Variants in SEPSECS observed in about 807,000 individuals in gnomAD.
SEPSECS encodes O-phosphoseryl-tRNA(Sec) selenium transferase.
In SEPSECS, 42 loss-of-function variants were observed where a neutral mutation model predicts 52.1. The ratio of observed to expected loss-of-function variants is 0.81; its 90% CI spans 0.63 to 1.04. The LOEUF (loss-of-function observed/expected upper bound fraction) is 1.04, where lower values mean the gene tolerates loss of function less well. Ranked by LOEUF, SEPSECS falls within the 50% of genes least tolerant of loss-of-function variation. The pLI is 0.00. For synonymous variants in SEPSECS, 216 were observed against 211.4 expected, an observed-to-expected ratio of 1.02 and a Z score of -0.19; for missense variants, 590 against 610.6, an observed-to-expected ratio of 0.97 and a Z score of 0.36.
At chr4:25,137,614 G>A (rs1375392207) in intron 8 of SEPSECS, among the ~76,000 whole-genome samples, 2 of 152,154 alleles carry the variant, frequency 1.3e-5, no homozygotes, top group South Asian at 2.1e-4. Flanking sequence ...TTACACTGTT[G>A]GTGGAAATGT....
intron 6 of SEPSECS, among the ~76,000 whole-genome samples, chr4:25,149,719 GA>G (rs1712190087): frequency 6.6e-6 from 1 of 152,144 alleles, no homozygotes; most frequent in Non-Finnish European, 1.5e-5. Flanking sequence ...GAGGGAAAGG[GA>G]AAGGAGGAAT....
chr4:25,136,282 C>T (rs143290476), intron 8 of SEPSECS, among the ~76,000 whole-genome samples: 1 of 152,298 alleles, frequency 6.6e-6, no homozygotes, highest in African/African-American at 2.4e-5. Context: ...TTGCAGATGA[C>T]ATGATACTGT....
Position 25,123,855 on chromosome 4 carries a change from T to A in SEPSECS, c.*76A>T. 1 of 1,314,456 alleles carries A rather than the reference T, an allele frequency of 7.6e-7. No individual in the cohort carries two copies. Among genetic ancestry groups the A allele is most frequent in the Non-Finnish European group, 1.1e-6 (1 of 913,204 alleles). 81.4% of individuals were successfully genotyped at this position (1,314,456 alleles called of 1,614,324 possible). A position where few individuals can be genotyped will look rare whatever the true frequency, so the allele number is the denominator to read the frequency against. On this transcript the variant is annotated 3_prime_UTR_variant, in exon 11 of 11. Transcript: ENST00000382103. ...AAATTCTCAATTCAAAAATCTCAAG[T>A]CTTATCTTTAAACTGCTTGCTTGTA...
Position 25,144,875 on chromosome 4 carries a change from G to A in SEPSECS, c.935-10C>T, listed in dbSNP as rs759227244. The A allele has an allele frequency of 6.2e-7, 1 of 1,606,684 alleles. No homozygotes were observed. Among genetic ancestry groups the A allele is most frequent in the Admixed American group, 1.7e-5 (1 of 59,970 alleles). On this transcript the variant is annotated splice_polypyrimidine_tract_variant and intron_variant, in intron 7 of 10. Transcript: ENST00000382103. ...GAAGCTGAAGCTCTTCCTGAAATAA[G>A]AAGGATAAGTTACATTAAGACTGTG...
At chr4:25,147,263 T>C (rs561977710) in intron 6 of SEPSECS, among the ~76,000 whole-genome samples, 15 of 152,340 alleles carry the variant, frequency 9.8e-5, no homozygotes, top group South Asian at 8.3e-4. Context: ...AGAGCATTTA[T>C]CCAAGACTTG....
intron 2 of SEPSECS, among the ~76,000 whole-genome samples, chr4:25,157,786 C>T (rs1036603216): frequency 6.8e-6 from 1 of 147,896 alleles, no homozygotes; most frequent in South Asian, 2.2e-4. Context: ...ACCTCGTGAT[C>T]CGCCCGCCTT....
chr4:25,125,573 C>T lies in SEPSECS; in HGVS notation c.1211+121G>A, dbSNP rs1041102802. 12 of 725,452 alleles carry T rather than the reference C, an allele frequency of 1.7e-5. No individual in the cohort carries two copies. The Admixed American group carries it at 2.4e-4, about 15-fold the overall frequency. 44.9% of individuals were successfully genotyped at this position (725,452 alleles called of 1,614,324 possible). A position where few individuals can be genotyped will look rare whatever the true frequency, so the allele number is the denominator to read the frequency against. On this transcript the variant is annotated intron_variant, in intron 10 of 10. Transcript: ENST00000382103. ...TTCTCTAACTCATCATTCTTTACTC[C>T]ATGATGAATTCGCAGGTATAGTTCA...
intron 8 of SEPSECS, among the ~76,000 whole-genome samples, chr4:25,143,461 C>A (rs1028074515): frequency 6.6e-6 from 1 of 152,106 alleles, no homozygotes; most frequent in Admixed American, 6.6e-5. Context: ...AGTCTGACTT[C>A]TTTCATTTAG....
chr4:25,120,317 A>G lies in SEPSECS; in HGVS notation c.*3614T>C, dbSNP rs1450663919. 1 of 152,164 alleles carries G rather than the reference A, an allele frequency of 6.6e-6. No homozygotes were observed. The highest frequency in any genetic ancestry group is 1.5e-5 in the Non-Finnish European group (1 of 68,006). The allele number at this position is 152,164 out of a possible 1,614,324, so 9.4% of individuals were successfully genotyped here. A position where few individuals can be genotyped will look rare whatever the true frequency, so the allele number is the denominator to read the frequency against. Reference sequence around the variant, plus strand: ...AGTGAGTAGGAAATTACAAACATATATTCATTAGCCTTAAACTTACCATCT... The same window carrying G: ...AGTGAGTAGGAAATTACAAACATATGTTCATTAGCCTTAAACTTACCATCT... On this transcript the variant is annotated 3_prime_UTR_variant, in exon 11 of 11. Coordinates refer to ENST00000382103, the MANE Select transcript of SEPSECS (RefSeq NM_016955.4).
Position 25,123,273 on chromosome 4 carries a change from T to C in SEPSECS, c.*658A>G, listed in dbSNP as rs1300854633. 1.3e-5 allele frequency: 2 copies of C among 152,790 alleles called. No individual in the cohort carries two copies. Among genetic ancestry groups the C allele is most frequent in the Non-Finnish European group, 2.9e-5 (2 of 68,498 alleles). 9.5% of individuals were successfully genotyped at this position (152,790 alleles called of 1,614,324 possible). A position where few individuals can be genotyped will look rare whatever the true frequency, so the allele number is the denominator to read the frequency against. ...ACTAATGACATTTTGGGCTGGATAA[T>C]TCTTTGTTGTGGGAGTTGTCCCATG... On this transcript the variant is annotated 3_prime_UTR_variant, in exon 11 of 11. Transcript: ENST00000382103.
At chr4:25,156,820 G>A (rs766818271) in intron 3 of SEPSECS, 36 bp downstream of exon 3, 107 of 1,058,942 alleles carry the variant, frequency 1.0e-4, no homozygotes, top group Non-Finnish European at 1.5e-4. Flanking sequence ...TGTGTGTCCA[G>A]ACAGCCAAAA....
rs531542242 is a variant in SEPSECS at position 25,156,259 on chromosome 4, A to C, written c.389-64T>G. 5 of 1,400,826 alleles carry C rather than the reference A, an allele frequency of 3.6e-6. No homozygotes were observed. The African/African-American group carries it at 5.7e-5, about 16-fold the overall frequency. The allele number at this position is 1,400,826 out of a possible 1,614,324, so 86.8% of individuals were successfully genotyped here. The stretch of plus-strand genomic sequence containing the variant: ...TAAGCACCCAGCATCCTTCTTGAGG[A>C]AATAATATATTTCATATATAAAATA... On this transcript the variant is annotated intron_variant, in intron 3 of 10. Transcript: ENST00000382103.
Position 25,155,010 on chromosome 4 carries a change from C to T in SEPSECS, c.689G>A (p.Arg230Lys). ...IHSTTSCFAP[R>K]VPDRLEELAV... ...ACAAATCATTTACCTATCAGGCACCCTTGGAGCAAAACAGGATGTAGTAGA... is the reference window on the plus strand; with the variant it reads ...ACAAATCATTTACCTATCAGGCACCTTTGGAGCAAAACAGGATGTAGTAGA... Residue 230 changes from arginine to lysine, a missense_variant, in exon 5 of 11, where the codon AGG (arginine) becomes AAG (lysine). By Grantham distance (26) the Arg-to-Lys change is conservative. Transcript: ENST00000382103. 1 of 1,614,072 alleles carries T rather than the reference C, an allele frequency of 6.2e-7. No homozygotes were observed.
intron 8 of SEPSECS, among the ~76,000 whole-genome samples, chr4:25,130,161 A>T (rs1354831200): frequency 6.6e-6 from 1 of 152,186 alleles, no homozygotes; most frequent in African/African-American, 2.4e-5. Context: ...CAGTTTACAT[A>T]TTTCAGTGGT....
chr4:25,133,608 C>T (rs1322378386), intron 8 of SEPSECS, among the ~76,000 whole-genome samples: 1 of 152,118 alleles, frequency 6.6e-6, no homozygotes, highest in East Asian at 1.9e-4. Flanking sequence ...CAAGACATAA[C>T]AGAAATTCCA....
intron 6 of SEPSECS, among the ~76,000 whole-genome samples, chr4:25,146,116 G>A (rs1380534028): frequency 1.3e-5 from 2 of 152,190 alleles, no homozygotes; most frequent in Non-Finnish European, 2.9e-5. Context: ...TAGAGATACT[G>A]TCTAAATTAC....
intron 6 of SEPSECS, among the ~76,000 whole-genome samples, chr4:25,151,531 C>T (rs987445665): frequency 6.6e-6 from 1 of 152,044 alleles, no homozygotes; most frequent in African/African-American, 2.4e-5. Context: ...AAAAAAAATA[C>T]AAAAACCTGC....
intron 8 of SEPSECS, among the ~76,000 whole-genome samples, chr4:25,143,266 A>G (rs533119129): frequency 5.9e-4 from 90 of 152,322 alleles, no homozygotes; most frequent in African/African-American, 2.1e-3. Flanking sequence ...ACTTCTATGA[A>G]TTTTGACAAA....
chr4:25,127,051 T>G (rs568165588), intron 9 of SEPSECS, among the ~76,000 whole-genome samples: 1 of 152,380 alleles, frequency 6.6e-6, no homozygotes, highest in South Asian at 2.1e-4. Flanking sequence ...TTAATATTGA[T>G]TCTTATTCTC....
Sources: gnomAD v4.1 joint callset for allele counts (sites outside exome capture counted in the v4.1 genomes callset) on GRCh38, gnomAD v4.1.1 for gene constraint, MANE v1.5 for transcripts, NCBI Gene and HGNC (gene_info 2026-07-23, HGNC 2026-07-21) for gene names.